PLD1: variants seen among roughly 807,000 people sequenced by gnomAD.
PLD1 encodes phospholipase D1, also known as choline phosphatase 1.
A neutral mutation model predicts 137.1 loss-of-function variants in PLD1; 112 were observed. The observed-to-expected ratio is 0.82, with a 90% CI of 0.70 to 0.96. The LOEUF (loss-of-function observed/expected upper bound fraction) is 0.96, where lower values mean the gene tolerates loss of function less well. Ranked by LOEUF, PLD1 falls within the 40% of genes least tolerant of loss-of-function variation. The pLI, the probability that PLD1 is intolerant of heterozygous loss-of-function variation, is 0.00. For synonymous variants in PLD1, 431 were observed against 454.7 expected (o/e 0.95, Z 0.66); for missense variants, 1,321 against 1,342.0 (o/e 0.98, Z 0.24).
At chr3:171,792,465 C>A (rs1022723182) in intron 1 of PLD1, 8 of 388,488 alleles carry the variant, frequency 2.1e-5, no homozygotes, top group Non-Finnish European at 3.6e-5. Flanking sequence ...ATCCATCAGG[C>A]ATTCAGTACC....
chr3:171,620,643 A>G (rs1054963395), intron 23 of PLD1, 123 bp from the exon 24 acceptor site: 36 of 431,520 alleles, frequency 8.3e-5, no homozygotes, highest in Admixed American at 8.0e-4. Context: ...TATTATATGT[A>G]TATGTTTTCT....
chr3:171,700,284 G>C (rs1716130102), intron 11 of PLD1, among the ~76,000 whole-genome samples: 1 of 150,596 alleles, frequency 6.6e-6, no homozygotes, highest in African/African-American at 2.4e-5. Flanking sequence ...GGCTTAATGG[G>C]AAAGTTTTTC....
intron 21 of PLD1, among the ~76,000 whole-genome samples, chr3:171,651,555 G>C (rs1736769878): frequency 6.6e-6 from 1 of 152,094 alleles, no homozygotes; most frequent in Non-Finnish European, 1.5e-5. Flanking sequence ...GCCCTATTTA[G>C]CACTGACTTT....
At position 171,603,042 on chromosome 3, in the gene PLD1, CAGGGTGG is replaced by C; in HGVS notation, c.*29_*35del. The C allele has an allele frequency of 6.8e-7, 1 of 1,476,578 alleles. No individual in the cohort carries two copies. Among genetic ancestry groups the C allele is most frequent in the Non-Finnish European group, 9.4e-7 (1 of 1,059,498 alleles). 91.5% of individuals were successfully genotyped at this position (1,476,578 alleles called of 1,614,324 possible). A position where few individuals can be genotyped will look rare whatever the true frequency, so the allele number is the denominator to read the frequency against. On this transcript the variant is annotated 3_prime_UTR_variant, in exon 27 of 27. Transcript: ENST00000351298. ...AAGTCACTGTGTGCAGTGTGGTCTC[CAGGGTGG>C]AAGTCTTTGAGCTGCCAATGAATAT... is the stretch of plus-strand genomic sequence containing the variant.
chr3:171,604,510 A>G (rs996798385), intron 26 of PLD1, among the ~76,000 whole-genome samples: 2 of 152,070 alleles, frequency 1.3e-5, no homozygotes, highest in Non-Finnish European at 2.9e-5. Context: ...GACTTATCCA[A>G]CTTCTCACAG....
At chr3:171,683,295 T>C (rs1028577588) in intron 16 of PLD1, among the ~76,000 whole-genome samples, 13 of 152,240 alleles carry the variant, frequency 8.5e-5, no homozygotes, top group African/African-American at 1.4e-4. Context: ...CCTTGGAAAA[T>C]GTAAGTCAGC....
At chr3:171,753,736 C>A (rs1720824636) in intron 1 of PLD1, among the ~76,000 whole-genome samples, 1 of 152,162 alleles carries the variant, frequency 6.6e-6, no homozygotes, top group East Asian at 1.9e-4. Flanking sequence ...CATCAGTCAA[C>A]TCCCTCATCA....
Position 171,674,496 on chromosome 3 carries a change from T to C in PLD1, c.2229+4A>G. 1 of 1,484,384 alleles carries C rather than the reference T, an allele frequency of 6.7e-7. No individual in the cohort carries two copies. The highest frequency in any genetic ancestry group is 9.3e-7 in the Non-Finnish European group (1 of 1,075,434). 92.0% of individuals were successfully genotyped at this position (1,484,384 alleles called of 1,614,324 possible). A position where few individuals can be genotyped will look rare whatever the true frequency, so the allele number is the denominator to read the frequency against. The stretch of plus-strand genomic sequence containing the variant: ...GTCAAAAAGAAAAGCCAGAACTTAC[T>C]TACCTGTACGTTAGCATGGACAGAC... On this transcript the variant is annotated splice_donor_region_variant and intron_variant, in intron 19 of 26. Coordinates refer to ENST00000351298, the MANE Select transcript of PLD1 (RefSeq NM_002662.5).
intron 23 of PLD1, among the ~76,000 whole-genome samples, chr3:171,632,427 A>C (rs778355700): frequency 2.0e-5 from 3 of 152,194 alleles, no homozygotes; most frequent in Non-Finnish European, 4.4e-5. Flanking sequence ...GCAATATTTC[A>C]ATAAGGTCTA....
At position 171,688,878 on chromosome 3, in the gene PLD1, T is replaced by C; in HGVS notation, c.1339-2A>G. On this transcript the variant is annotated splice_acceptor_variant, in intron 13 of 26. Coordinates refer to ENST00000351298, the MANE Select transcript of PLD1 (RefSeq NM_002662.5). LOFTEE classifies it high-confidence loss of function. ...CACATGATCCGGGTGTCTCATCACCTTGAGAGGGAATAATCCCCACTGATA... is the reference window on the plus strand; with the variant it reads ...CACATGATCCGGGTGTCTCATCACCCTGAGAGGGAATAATCCCCACTGATA... 1 of 1,609,624 alleles carries C rather than the reference T, an allele frequency of 6.2e-7. No individual in the cohort carries two copies. Among genetic ancestry groups the C allele is most frequent in the Non-Finnish European group, 8.5e-7 (1 of 1,176,044 alleles).
intron 9 of PLD1, among the ~76,000 whole-genome samples, chr3:171,710,146 T>G (rs1440445719): frequency 6.6e-6 from 1 of 152,072 alleles, no homozygotes; most frequent in Non-Finnish European, 1.5e-5. Context: ...CACTGCAAGC[T>G]CCACCTCCCG....
chr3:171,611,534 T>C (rs1732657613), intron 25 of PLD1: 1 of 508,282 alleles, frequency 2.0e-6, no homozygotes, highest in Non-Finnish European at 3.9e-6. Context: ...CGAGCCCAGC[T>C]TCCTAGCCCA....
At chr3:171,605,021 G>T (rs984625892) in intron 26 of PLD1, among the ~76,000 whole-genome samples, 3 of 152,162 alleles carry the variant, frequency 2.0e-5, no homozygotes, top group East Asian at 1.9e-4. Context: ...ATGTACAAAG[G>T]CTGGGTAACC....
chr3:171,663,076 A>G (rs1711686328), intron 19 of PLD1, among the ~76,000 whole-genome samples: 1 of 152,054 alleles, frequency 6.6e-6, no homozygotes, highest in Non-Finnish European at 1.5e-5. Flanking sequence ...TCTCTAAACC[A>G]TTTCCCATTT....
chr3:171,640,078 A>C (rs188396902), intron 23 of PLD1, among the ~76,000 whole-genome samples: 1 of 151,588 alleles, frequency 6.6e-6, no homozygotes, highest in Non-Finnish European at 1.5e-5. Flanking sequence ...AGTCCACCTA[A>C]AGTTTGTCAA....
At chr3:171,687,693 A>G (rs1714721782) in intron 14 of PLD1, 109 bp from the exon 15 acceptor site, 1 of 695,912 alleles carries the variant, frequency 1.4e-6, no homozygotes, top group Non-Finnish European at 2.4e-6. Context: ...TGGAGGTTCT[A>G]TAACAGACAT....
chr3:171,689,693 T>C (rs1714956542), intron 13 of PLD1, among the ~76,000 whole-genome samples: 1 of 152,248 alleles, frequency 6.6e-6, no homozygotes, highest in African/African-American at 2.4e-5. Context: ...TAGATATGGG[T>C]GTCTTGCTAT....
At chr3:171,704,469 A>AAAAAAC (rs1553826994) in intron 11 of PLD1, among the ~76,000 whole-genome samples, 21 of 150,500 alleles carry the variant, frequency 1.4e-4, no homozygotes, top group African/African-American at 4.0e-4. Flanking sequence ...AAAAAAAAAA[A>AAAAAAC]AAAAAAAACC....
intron 1 of PLD1, among the ~76,000 whole-genome samples, chr3:171,746,118 CGCGGG>C (rs2108280368): frequency 6.6e-6 from 1 of 152,328 alleles, no homozygotes; most frequent in East Asian, 1.9e-4. Flanking sequence ...GCCGCCTCCC[CGCGGG>C]GCAGAGCTTG....
Sources: gnomAD v4.1 joint callset for allele counts (sites outside exome capture counted in the v4.1 genomes callset) on GRCh38, gnomAD v4.1.1 for gene constraint, MANE v1.5 for transcripts, NCBI Gene and HGNC (gene_info 2026-07-23, HGNC 2026-07-21) for gene names.